Variants in TMEM168 observed in about 807,000 individuals in gnomAD.
The protein encoded by TMEM168 is transmembrane protein 168.
A neutral mutation model predicts 53.2 loss-of-function variants in TMEM168; 40 were observed. The ratio of observed to expected loss-of-function variants is 0.75; its 90% confidence interval spans 0.58 to 0.98. The LOEUF (loss-of-function observed/expected upper bound fraction) is 0.98. TMEM168 is among the 50% of genes least tolerant of loss of function. The pLI is 0.00. For synonymous variants in TMEM168, 282 were observed against 293.0 expected (o/e 0.96, Z 0.38); for missense variants, 771 against 828.8 (o/e 0.93, Z 0.86).
In TMEM168 at chr7:112,773,060, A is replaced by T; in HGVS notation, c.1272-5T>A. 6.3e-7 allele frequency: 1 copy of T among 1,587,120 alleles called. No individual in the cohort carries two copies. Among genetic ancestry groups the T allele is most frequent in the Non-Finnish European group, 8.6e-7 (1 of 1,162,934 alleles). On this transcript the variant is annotated splice_polypyrimidine_tract_variant and splice_region_variant and intron_variant, in intron 3 of 4. Coordinates refer to ENST00000312814, the MANE Select transcript of TMEM168 (RefSeq NM_022484.6). Reference sequence around the variant, plus strand: ...AGTGTTGGCTGACCATCAGGACTGAAGTAGGAGAAAAAACAAGAAGTACTC... The same window carrying T: ...AGTGTTGGCTGACCATCAGGACTGATGTAGGAGAAAAAACAAGAAGTACTC...
intron 2 of TMEM168, among the ~76,000 whole-genome samples, chr7:112,781,746 C>G (rs1401626493): frequency 1.3e-5 from 2 of 150,046 alleles, no homozygotes; most frequent in Non-Finnish European, 3.0e-5. Flanking sequence ...ATACTATACT[C>G]AAAATGGATC....
At position 112,772,914 on chromosome 7, in the gene TMEM168, T is replaced by C; in HGVS notation, c.1413A>G (p.Gly471=). The C allele has an allele frequency of 1.9e-6, 3 of 1,614,098 alleles. No homozygotes were observed. Among genetic ancestry groups the C allele is most frequent in the Non-Finnish European group, 2.5e-6 (3 of 1,179,986 alleles). The part of the protein sequence containing the change: ...ETYGCDYSTS[G]LSFDTLHSKL... ...TGGAATGCAGAGTATCAAATGACAGTCCACTTGTGGAATAGTCACATCCAT... is the reference window on the plus strand; with the variant it reads ...TGGAATGCAGAGTATCAAATGACAGCCCACTTGTGGAATAGTCACATCCAT... Residue 471 remains glycine (G), a synonymous_variant, in exon 4 of 5, where the codon GGA becomes GGG. Coordinates refer to ENST00000312814, the MANE Select transcript of TMEM168 (RefSeq NM_022484.6).
chr7:112,785,794 A>C (rs1793363263), intron 1 of TMEM168, among the ~76,000 whole-genome samples: 1 of 152,258 alleles, frequency 6.6e-6, no homozygotes, highest in South Asian at 2.1e-4. Context: ...AAATGATAGT[A>C]GTCAAAAAAT....
At chr7:112,780,426 C>T (rs1038218254) in intron 2 of TMEM168, among the ~76,000 whole-genome samples, 2 of 152,186 alleles carry the variant, frequency 1.3e-5, no homozygotes, top group Admixed American at 1.3e-4. Context: ...CAAAAAACTG[C>T]AAATAATTTC....
chr7:112,788,838 T>A (rs1169964516), intron 1 of TMEM168, among the ~76,000 whole-genome samples: 1 of 152,182 alleles, frequency 6.6e-6, no homozygotes, highest in East Asian at 1.9e-4. Flanking sequence ...AGGGTCACCA[T>A]CCCAATTTTG....
intron 1 of TMEM168, among the ~76,000 whole-genome samples, chr7:112,788,950 A>G (rs1793465551): frequency 6.6e-6 from 1 of 152,184 alleles, no homozygotes; most frequent in Non-Finnish European, 1.5e-5. Context: ...AAAATGCTCC[A>G]ATGGCGTCCC....
intron 1 of TMEM168, among the ~76,000 whole-genome samples, chr7:112,788,190 C>T (rs1793443851): frequency 6.6e-6 from 1 of 152,156 alleles, no homozygotes; most frequent in Admixed American, 6.5e-5. Flanking sequence ...CATTCTCAAC[C>T]CATCCTTTGG....
At chr7:112,787,713 A>ATTTTT (rs71155069) in intron 1 of TMEM168, among the ~76,000 whole-genome samples, 6 of 38,790 alleles carry the variant, frequency 1.5e-4, no homozygotes, top group East Asian at 1.3e-3. Context: ...TGCGACTGGC[A>ATTTTT]TTTTTTTTTT....
intron 2 of TMEM168, among the ~76,000 whole-genome samples, chr7:112,782,595 T>C (rs1297209812): frequency 1.3e-5 from 2 of 152,142 alleles, no homozygotes; most frequent in African/African-American, 4.8e-5. Context: ...ACACCCAAGA[T>C]GTTTTCCTCA....
Position 112,777,428 on chromosome 7 carries a change from CTTCTG to C in TMEM168, c.1129-2115_1129-2111del, listed in dbSNP as rs1322256631. ...CATGGACCTGTTTTTGGTCTCTCTT[CTTCTG>C]TTCTGTTGTTCTATTTTTTATTCTT... On this transcript the variant is annotated intron_variant, in intron 2 of 4. Coordinates refer to ENST00000312814, the MANE Select transcript of TMEM168 (RefSeq NM_022484.6). Among the ~76,000 whole-genome samples, 6 of 152,266 alleles carry C rather than the reference CTTCTG, an allele frequency of 3.9e-5. No homozygotes were observed. In the East Asian group the frequency reaches 5.8e-4, roughly 15 times the overall value.
chr7:112,778,888 A>G (rs1353955711), intron 2 of TMEM168, among the ~76,000 whole-genome samples: 1 of 152,124 alleles, frequency 6.6e-6, no homozygotes, highest in African/African-American at 2.4e-5. Flanking sequence ...AATCTTAGAA[A>G]CTGAGAATTT....
rs1792722722 is a variant in TMEM168, at chr7:112,764,416, C to CTAT, written c.*2778_*2780dup. The CTAT allele has an allele frequency of 6.6e-6, 1 of 151,902 alleles. No individual in the cohort carries two copies. The highest frequency in any genetic ancestry group is 1.5e-5 in the Non-Finnish European group (1 of 67,986). The allele number at this position is 151,902 out of a possible 1,614,324, so 9.4% of individuals were successfully genotyped here. A position where few individuals can be genotyped will look rare whatever the true frequency, so the allele number is the denominator to read the frequency against. ...AGACAAATTAGTCTCATTGTCAGAT[C>CTAT]TATTTTTCAATCTTTAGGTGAAAGT... is the stretch of plus-strand genomic sequence containing the variant. On this transcript the variant is annotated 3_prime_UTR_variant, in exon 5 of 5. Coordinates refer to ENST00000312814, the MANE Select transcript of TMEM168 (RefSeq NM_022484.6).
intron 2 of TMEM168, among the ~76,000 whole-genome samples, chr7:112,782,558 G>A (rs911607049): frequency 6.6e-6 from 1 of 152,126 alleles, no homozygotes; most frequent in African/African-American, 2.4e-5. Flanking sequence ...AGCAAGTAGA[G>A]CAAAGTAAGG....
chr7:112,772,911 C>G lies in TMEM168; in HGVS notation c.1416G>C (p.Leu472=). The change falls in exon 4 of 5, where the codon CTG becomes CTC. Residue 472 remains leucine (L), a synonymous_variant. Coordinates refer to ENST00000312814, the MANE Select transcript of TMEM168 (RefSeq NM_022484.6). ...TYGCDYSTSG[L]SFDTLHSKLK... is the part of the protein sequence containing the mutation. Reference sequence around the variant, plus strand: ...GTTTGGAATGCAGAGTATCAAATGACAGTCCACTTGTGGAATAGTCACATC... The same window carrying G: ...GTTTGGAATGCAGAGTATCAAATGAGAGTCCACTTGTGGAATAGTCACATC... 6.2e-7 allele frequency: 1 copy of G among 1,614,086 alleles called. No individual in the cohort carries two copies. The highest frequency in any genetic ancestry group is 8.5e-7 in the Non-Finnish European group (1 of 1,179,982).
At chr7:112,779,846 C>T (rs988557483) in intron 2 of TMEM168, among the ~76,000 whole-genome samples, 8 of 152,150 alleles carry the variant, frequency 5.3e-5, no homozygotes, top group East Asian at 1.9e-4. Flanking sequence ...TAAACATATA[C>T]GGCTTGTTTG....
At chr7:112,774,359 A>ATTTTTT (rs558123531) in intron 3 of TMEM168, among the ~76,000 whole-genome samples, 2 of 94,254 alleles carry the variant, frequency 2.1e-5, no homozygotes, top group African/African-American at 3.9e-5. Context: ...GTGTTTTTAC[A>ATTTTTT]TTTTTTTTTT....
chr7:112,776,759 T>G (rs943840875), intron 2 of TMEM168, among the ~76,000 whole-genome samples: 3 of 150,066 alleles, frequency 2.0e-5, no homozygotes, highest in African/African-American at 7.5e-5. Context: ...TGTGTATGTT[T>G]TTTTTTTTTA....
chr7:112,778,052 G>A (rs534646440), intron 2 of TMEM168, among the ~76,000 whole-genome samples: 1 of 152,170 alleles, frequency 6.6e-6, no homozygotes, highest in South Asian at 2.1e-4. Context: ...TTCTTCCAGA[G>A]AGCTGCGGAC....
At position 112,767,638 on chromosome 7, in the gene TMEM168, A is replaced by T; in HGVS notation, c.1653T>A (p.Pro551=). 2 of 1,614,058 alleles carry T rather than the reference A, an allele frequency of 1.2e-6. No homozygotes were observed. Among genetic ancestry groups the T allele is most frequent in the Non-Finnish European group, 8.5e-7 (1 of 1,179,996 alleles). Residue 551 remains proline (P), a synonymous_variant, in exon 5 of 5, where the codon CCT becomes CCA. Transcript: ENST00000312814. ...IIVLDSENST[P]WVKEVRKIND... ...TAATTTTCCTCACTTCTTTCACCCA[A>T]GGGGTTGAATTTTCGCTGTCTAATA...
Sources: allele counts gnomAD v4.1 joint callset (sites outside exome capture counted in the v4.1 genomes callset), GRCh38; gene constraint gnomAD v4.1.1; transcripts MANE v1.5; gene names NCBI Gene and HGNC (gene_info 2026-07-23, HGNC 2026-07-21).